The following SEMA3C variants were observed in gnomAD, a reference collection of about 807,000 sequenced individuals.
SEMA3C encodes the protein semaphorin 3C.
SEMA3C carries 47 observed loss-of-function variants against 89.4 expected under a neutral mutation model. The observed-to-expected ratio is 0.53, with a 90% confidence interval of 0.42 to 0.67. The LOEUF (loss-of-function observed/expected upper bound fraction) is 0.67, where lower values mean the gene tolerates loss of function less well. Ranked by LOEUF, SEMA3C falls within the 30% of genes least tolerant of loss-of-function variation. The pLI is 0.00. For missense variants in SEMA3C, 839 were observed against 929.1 expected, an observed-to-expected ratio of 0.90 and a Z score of 1.26; for synonymous variants, 310 against 320.2, an observed-to-expected ratio of 0.97 and a Z score of 0.34.
intron 14 of SEMA3C, among the ~76,000 whole-genome samples, chr7:80,759,020 T>G: frequency 6.6e-6 from 1 of 152,218 alleles, no homozygotes; most frequent in East Asian, 1.9e-4. Context: ...TCATTAAAAC[T>G]ACTTAAAAAT....
chr7:80,745,398 A>G, intron 17 of SEMA3C, 91 bp from the exon 18 acceptor site: 2 of 1,309,892 alleles, frequency 1.5e-6, no homozygotes, highest in Admixed American at 4.5e-5. Context: ...CAACTTTCAC[A>G]GATTTGGGAA....
At chr7:80,905,625 A>G (rs1791996426) in intron 2 of SEMA3C, among the ~76,000 whole-genome samples, 2 of 152,124 alleles carry the variant, frequency 1.3e-5, no homozygotes, top group Non-Finnish European at 1.5e-5. Context: ...TCCCCTCTCC[A>G]TTCAGTTTGT....
At chr7:80,805,567 G>T in intron 7 of SEMA3C, 72 bp downstream of exon 7, 2 of 1,315,006 alleles carry the variant, frequency 1.5e-6, no homozygotes, top group Non-Finnish European at 2.1e-6. Flanking sequence ...ATTTTCCCTA[G>T]TTGTTAGGAT....
chr7:80,801,236 T>C (rs1789200310), intron 9 of SEMA3C, among the ~76,000 whole-genome samples: 1 of 152,104 alleles, frequency 6.6e-6, no homozygotes, highest in Admixed American at 6.5e-5. Context: ...TGTTAATATA[T>C]TACTGTTTTA....
chr7:80,878,868 C>A (rs1383724319), intron 2 of SEMA3C, among the ~76,000 whole-genome samples: 3 of 151,134 alleles, frequency 2.0e-5, no homozygotes, highest in Non-Finnish European at 2.9e-5. Context: ...AAGATGAATT[C>A]AAAAATATTA....
chr7:80,858,339 A>T (rs192413508), intron 2 of SEMA3C, among the ~76,000 whole-genome samples: 6 of 152,286 alleles, frequency 3.9e-5, no homozygotes, highest in Admixed American at 2.6e-4. Context: ...GACAGACCAA[A>T]TATGTTTGCC....
chr7:80,872,579 G>A (rs1332843584), intron 2 of SEMA3C, among the ~76,000 whole-genome samples: 4 of 151,832 alleles, frequency 2.6e-5, no homozygotes, highest in Admixed American at 6.6e-5. Flanking sequence ...CGAGGGGGGC[G>A]GATCATGAGG....
At chr7:80,833,578 C>G (rs1208236097) in intron 2 of SEMA3C, among the ~76,000 whole-genome samples, 1 of 152,086 alleles carries the variant, frequency 6.6e-6, no homozygotes. Context: ...GGATTTTTAT[C>G]TAGTTTTCCG....
At chr7:80,854,613 G>A (rs537835666) in intron 2 of SEMA3C, among the ~76,000 whole-genome samples, 10 of 152,178 alleles carry the variant, frequency 6.6e-5, no homozygotes, top group Non-Finnish European at 1.2e-4. Flanking sequence ...ATTAGTACAG[G>A]TATACCGGTG....
At chr7:80,779,676 TAGG>T (rs1317235626) in intron 12 of SEMA3C, among the ~76,000 whole-genome samples, 1 of 152,216 alleles carries the variant, frequency 6.6e-6, no homozygotes, top group Admixed American at 6.5e-5. Flanking sequence ...GACACACTCT[TAGG>T]TGACCCTTAA....
rs1787770682 is a variant in SEMA3C at position 80,745,120 on chromosome 7, C to T, written c.2030G>A (p.Trp677Ter). ...AGCCCTCACAGAGCTGGCCCAGGTC[C>T]ATGGGGACCATTTGTCCGTCACAAC... ...VAVVTDKWSP[W>*]TWASSVRALP... The change falls in exon 18 of 18, where the codon TGG becomes TAG. Residue 677 changes from tryptophan (W) to a stop codon, truncating the protein, a stop_gained. Transcript: ENST00000265361. LOFTEE classifies it high-confidence loss of function. 1 of 1,613,840 alleles carries T rather than the reference C, an allele frequency of 6.2e-7. No individual in the cohort carries two copies. Among genetic ancestry groups the T allele is most frequent in the African/African-American group, 1.3e-5 (1 of 74,870 alleles).
chr7:80,779,303 A>G (rs145972199), intron 12 of SEMA3C, among the ~76,000 whole-genome samples: 105 of 152,298 alleles, frequency 6.9e-4, no homozygotes, highest in African/African-American at 2.5e-3. Context: ...ACTCTCATGC[A>G]TAGTAGGTCA....
intron 12 of SEMA3C, among the ~76,000 whole-genome samples, chr7:80,766,812 A>C (rs1788315190): frequency 6.6e-6 from 1 of 152,158 alleles, no homozygotes; most frequent in African/African-American, 2.4e-5. Context: ...AACAGGCAAA[A>C]TGGGAGAGTT....
At chr7:80,754,957 G>GTTTTTTTTTTTT (rs1368382376) in intron 15 of SEMA3C, among the ~76,000 whole-genome samples, 70 of 108,344 alleles carry the variant, frequency 6.5e-4, no homozygotes, top group Non-Finnish European at 1.0e-3. Context: ...GTTTTTTTTT[G>GTTTTTTTTTTTT]TTTTTTTTTT....
chr7:80,860,306 G>T (rs1276331895), intron 2 of SEMA3C, among the ~76,000 whole-genome samples: 1 of 151,848 alleles, frequency 6.6e-6, no homozygotes, highest in Non-Finnish European at 1.5e-5. Flanking sequence ...TTCTCCTAAT[G>T]GCCAACTATT....
chr7:80,755,258 A>G (rs1459943408), intron 15 of SEMA3C, among the ~76,000 whole-genome samples: 1 of 151,596 alleles, frequency 6.6e-6, no homozygotes, highest in African/African-American at 2.4e-5. Context: ...TGGTAGAATG[A>G]CAATGTATAT....
In SEMA3C at chr7:80,812,737, C is replaced by T. The variant is rs371640235; in HGVS notation, c.448-2036G>A. On this transcript the variant is annotated intron_variant, in intron 5 of 17. Coordinates refer to ENST00000265361, the MANE Select transcript of SEMA3C (RefSeq NM_006379.5). ...AAATCTTCTCTGTTTCTCCCCAGTT[C>T]GTTAGGCTTTTCTCTTTTTGACTTT... 1.2e-4 allele frequency among the ~76,000 whole-genome samples: 19 copies of T among 152,028 alleles called. No homozygotes were observed. In the East Asian group the frequency reaches 3.5e-3, roughly 28 times the overall value.
At chr7:80,784,072 G>A (rs914800205) in intron 12 of SEMA3C, among the ~76,000 whole-genome samples, 2 of 152,098 alleles carry the variant, frequency 1.3e-5, no homozygotes, top group African/African-American at 4.8e-5. Flanking sequence ...TTTACAGAAT[G>A]TCTCTGAACC....
chr7:80,795,046 C>A (rs184982804), intron 11 of SEMA3C, among the ~76,000 whole-genome samples: 61 of 152,206 alleles, frequency 4.0e-4, no homozygotes, highest in Middle Eastern at 3.4e-3. Context: ...GTTGACTGGG[C>A]AACCATACTA....
Sources: gnomAD v4.1 joint callset for allele counts (sites outside exome capture counted in the v4.1 genomes callset) on GRCh38, gnomAD v4.1.1 for gene constraint, MANE v1.5 for transcripts, NCBI Gene and HGNC (gene_info 2026-07-23, HGNC 2026-07-21) for gene names.